Variants in GALNT13 observed in about 807,000 individuals in gnomAD.
GALNT13 encodes the protein polypeptide N-acetylgalactosaminyltransferase 13.
A neutral mutation model predicts 64.2 loss-of-function variants in GALNT13; 28 were observed. That is an observed-to-expected ratio of 0.44 (90% CI 0.32 to 0.60). The LOEUF (loss-of-function observed/expected upper bound fraction) is 0.60. Among genes scored for constraint, GALNT13 ranks in the 20% least tolerant of loss-of-function variants. The pLI is 0.05. For missense variants in GALNT13, 577 were observed against 669.8 expected, an observed-to-expected ratio of 0.86 and a Z score of 1.53; for synonymous variants, 214 against 224.6, an observed-to-expected ratio of 0.95 and a Z score of 0.42.
At chr2:153,522,485 T>C in the GALNT13 span, among the ~76,000 whole-genome samples, 1 of 152,188 alleles carries the variant, frequency 6.6e-6, no homozygotes, top group Admixed American at 6.5e-5. Context: ...ACTATTTGCA[T>C]TCTTACCTGC....
At chr2:154,114,344 AC>A (rs1477371054) in intron 3 of GALNT13, among the ~76,000 whole-genome samples, 2 of 151,582 alleles carry the variant, frequency 1.3e-5, no homozygotes, top group Non-Finnish European at 3.0e-5. Context: ...GAATTCAGGG[AC>A]CCACTGGACC....
the GALNT13 span, among the ~76,000 whole-genome samples, chr2:153,624,892 T>G: frequency 6.6e-6 from 1 of 151,304 alleles, no homozygotes; most frequent in East Asian, 2.0e-4. Flanking sequence ...ACAGTTGATA[T>G]ACTATAAAAT....
chr2:153,095,892 G>T, the GALNT13 span, among the ~76,000 whole-genome samples: 6 of 152,020 alleles, frequency 3.9e-5, no homozygotes, highest in African/African-American at 9.7e-5. Flanking sequence ...GTCATGGGGT[G>T]GGGGGAGCGG....
chr2:153,807,306 G>T, the GALNT13 span, among the ~76,000 whole-genome samples: 1 of 151,766 alleles, frequency 6.6e-6, no homozygotes, highest in East Asian at 1.9e-4. Flanking sequence ...AGGTTTTTAT[G>T]TATTTTTTAT....
intron 6 of GALNT13, among the ~76,000 whole-genome samples, chr2:154,243,766 T>TA (rs1689625218): frequency 6.6e-6 from 1 of 152,222 alleles, no homozygotes; most frequent in South Asian, 2.1e-4. Flanking sequence ...ACACCATACT[T>TA]GCATAGTCAT....
At chr2:153,645,876 T>C in the GALNT13 span, among the ~76,000 whole-genome samples, 1 of 152,078 alleles carries the variant, frequency 6.6e-6, no homozygotes, top group African/African-American at 2.4e-5. Flanking sequence ...ATTGTTGTTA[T>C]ACCAGGTAGC....
intron 11 of GALNT13, among the ~76,000 whole-genome samples, chr2:154,427,898 C>A (rs1473035958): frequency 6.6e-6 from 1 of 152,118 alleles, no homozygotes; most frequent in East Asian, 1.9e-4. Context: ...ATGAATTCTC[C>A]ATGCTGACTT....
At chr2:153,566,649 C>T in the GALNT13 span, among the ~76,000 whole-genome samples, 16 of 152,254 alleles carry the variant, frequency 1.1e-4, no homozygotes, top group Non-Finnish European at 1.3e-4. Flanking sequence ...CCACTGCGTC[C>T]GGCCTCTAAT....
In GALNT13 at chr2:154,146,124, A is replaced by G. The variant is rs72621673; in HGVS notation, c.311+5619A>G. On this transcript the variant is annotated intron_variant, in intron 4 of 12. Transcript: ENST00000392825. Reference sequence around the variant, plus strand: ...CTGTATGTTTACATATGCACAATGTATGTGTGTGTGTGTATATATATATAT... The same window carrying G: ...CTGTATGTTTACATATGCACAATGTGTGTGTGTGTGTGTATATATATATAT... Among the ~76,000 whole-genome samples, 115 of 130,672 alleles carry G rather than the reference A, an allele frequency of 8.8e-4. No homozygotes were observed. The South Asian group carries it at 0.025, about 28-fold the overall frequency. 85.7% of individuals were successfully genotyped at this position (130,672 alleles called of 152,430 possible).
At chr2:153,795,419 C>T in the GALNT13 span, among the ~76,000 whole-genome samples, 2 of 151,990 alleles carry the variant, frequency 1.3e-5, no homozygotes, top group East Asian at 1.9e-4. Context: ...GCTGAATTAC[C>T]GGACCTTGGA....
intron 3 of GALNT13, among the ~76,000 whole-genome samples, chr2:153,994,122 G>A (rs1327687900): frequency 1.3e-5 from 2 of 151,972 alleles, no homozygotes; most frequent in Admixed American, 6.6e-5. Flanking sequence ...GTGTCCAAGT[G>A]TTCTCATTGT....
the GALNT13 span, among the ~76,000 whole-genome samples, chr2:153,779,236 C>A: frequency 1.3e-5 from 2 of 151,752 alleles, no homozygotes; most frequent in Non-Finnish European, 2.9e-5. Flanking sequence ...TTCATTTATG[C>A]TATTTGTTAA....
At chr2:153,682,368 A>T in the GALNT13 span, among the ~76,000 whole-genome samples, 1 of 151,656 alleles carries the variant, frequency 6.6e-6, no homozygotes, top group Admixed American at 6.6e-5. Context: ...CTATCATGTA[A>T]CTTTGGCCAT....
At chr2:154,186,019 A>G (rs1023816954) in intron 4 of GALNT13, among the ~76,000 whole-genome samples, 3 of 152,082 alleles carry the variant, frequency 2.0e-5, no homozygotes, top group Admixed American at 6.6e-5. Flanking sequence ...GTTTTATGTC[A>G]TAAAATTACA....
chr2:154,121,495 T>A (rs1681939540), intron 3 of GALNT13, among the ~76,000 whole-genome samples: 1 of 152,180 alleles, frequency 6.6e-6, no homozygotes, highest in Non-Finnish European at 1.5e-5. Context: ...ATTTGTTTTA[T>A]CTGAATTTTG....
chr2:153,970,225 C>CT (rs1693648594), intron 3 of GALNT13, among the ~76,000 whole-genome samples: 1 of 152,174 alleles, frequency 6.6e-6, no homozygotes, highest in South Asian at 2.1e-4. Context: ...ATCAGAAATG[C>CT]TTTTATTAAT....
chr2:153,939,979 C>T (rs1250798344), intron 2 of GALNT13, among the ~76,000 whole-genome samples: 1 of 152,136 alleles, frequency 6.6e-6, no homozygotes, highest in Non-Finnish European at 1.5e-5. Flanking sequence ...TTTTCTTTTA[C>T]AGGCTATGTT....
intron 2 of GALNT13, among the ~76,000 whole-genome samples, chr2:153,938,775 A>G (rs1397342089): frequency 1.3e-5 from 2 of 152,036 alleles, no homozygotes; most frequent in Non-Finnish European, 2.9e-5. Context: ...CTTGAAGGGT[A>G]CCAGTCATAT....
At chr2:153,588,872 A>C in the GALNT13 span, among the ~76,000 whole-genome samples, 2 of 152,172 alleles carry the variant, frequency 1.3e-5, no homozygotes, top group African/African-American at 4.8e-5. Flanking sequence ...GCTGCTTAGA[A>C]ATTTCTTCTG....
Sources: gnomAD v4.1 joint callset for allele counts (sites outside exome capture counted in the v4.1 genomes callset) on GRCh38, gnomAD v4.1.1 for gene constraint, MANE v1.5 for transcripts, NCBI Gene and HGNC (gene_info 2026-07-23, HGNC 2026-07-21) for gene names.